Variants in KCNK1 observed in about 807,000 individuals in gnomAD.
KCNK1 encodes potassium two pore domain channel subfamily K member 1.
In KCNK1, 10 loss-of-function variants were observed where a neutral mutation model predicts 22.2. That is an observed-to-expected ratio of 0.45 (90% CI 0.28 to 0.76). The LOEUF (loss-of-function observed/expected upper bound fraction) is 0.76. Among genes scored for constraint, KCNK1 ranks in the 30% least tolerant of loss-of-function variants. The pLI is 0.14. For synonymous variants in KCNK1, 200 were observed against 186.4 expected, an observed-to-expected ratio of 1.07 and a Z score of -0.60; for missense variants, 378 against 421.0, an observed-to-expected ratio of 0.90 and a Z score of 0.89.
intron 1 of KCNK1, among the ~76,000 whole-genome samples, chr1:233,645,193 C>CAAA (rs113695541): frequency 1.3e-4 from 10 of 79,512 alleles, no homozygotes; most frequent in African/African-American, 3.9e-4. Flanking sequence ...GACTTTGTCT[C>CAAA]AAAAAAAAAA....
chr1:233,651,349 G>C (rs953228644), intron 1 of KCNK1, among the ~76,000 whole-genome samples: 1 of 152,160 alleles, frequency 6.6e-6, no homozygotes, highest in Admixed American at 6.5e-5. Context: ...AAACCTAAGG[G>C]TAGTGATGGC....
chr1:233,662,922 T>C (rs1558119475), intron 1 of KCNK1, among the ~76,000 whole-genome samples: 1 of 152,228 alleles, frequency 6.6e-6, no homozygotes, highest in South Asian at 2.1e-4. Context: ...AACATTTTGC[T>C]AAATTCTTCG....
chr1:233,628,102 G>C (rs1369487052), intron 1 of KCNK1, among the ~76,000 whole-genome samples: 2 of 152,186 alleles, frequency 1.3e-5, no homozygotes, highest in Non-Finnish European at 2.9e-5. Context: ...TCTTCTGCCT[G>C]TCTTCAGTGT....
chr1:233,643,625 G>A (rs1394149646), intron 1 of KCNK1, among the ~76,000 whole-genome samples: 1 of 152,120 alleles, frequency 6.6e-6, no homozygotes, highest in Non-Finnish European at 1.5e-5. Flanking sequence ...ATAAATGGGT[G>A]TGGGCTGCCC....
intron 1 of KCNK1, among the ~76,000 whole-genome samples, chr1:233,620,384 ACTT>A (rs1401095989): frequency 1.3e-5 from 2 of 152,218 alleles, no homozygotes; most frequent in Admixed American, 1.3e-4. Context: ...AGCTTCTCAG[ACTT>A]CTTTGTGCTG....
chr1:233,671,537 G>A lies in KCNK1; in HGVS notation c.*7G>A, dbSNP rs766007358. The A allele has an allele frequency of 6.2e-7, 1 of 1,613,778 alleles. No homozygotes were observed. Among genetic ancestry groups the A allele is most frequent in the South Asian group, 1.1e-5 (1 of 91,052 alleles). The stretch of plus-strand genomic sequence containing the variant: ...TGGCCCTGCAAACCATTGAGCGTAG[G>A]ATTTGTTGCATTATGCTAGAGCACC... On this transcript the variant is annotated 3_prime_UTR_variant, in exon 3 of 3. Coordinates refer to ENST00000366621, the MANE Select transcript of KCNK1 (RefSeq NM_002245.4).
intron 1 of KCNK1, among the ~76,000 whole-genome samples, chr1:233,647,058 A>C (rs1320805476): frequency 6.6e-6 from 1 of 152,166 alleles, no homozygotes; most frequent in Non-Finnish European, 1.5e-5. Context: ...AGAGTTAGAA[A>C]ATTTTATTCA....
intron 1 of KCNK1, among the ~76,000 whole-genome samples, chr1:233,641,592 A>G (rs949416827): frequency 1.3e-5 from 2 of 152,222 alleles, no homozygotes; most frequent in Non-Finnish European, 2.9e-5. Context: ...TTAACACGGC[A>G]GGGTCCTGTT....
intron 1 of KCNK1, among the ~76,000 whole-genome samples, chr1:233,665,778 G>C (rs1425494865): frequency 6.6e-6 from 1 of 152,236 alleles, no homozygotes; most frequent in Admixed American, 6.5e-5. Flanking sequence ...CCAATGTCCT[G>C]CTCTTTTTAT....
chr1:233,619,163 G>A (rs549503473), intron 1 of KCNK1, among the ~76,000 whole-genome samples: 27 of 152,094 alleles, frequency 1.8e-4, no homozygotes, highest in Admixed American at 1.4e-3. Context: ...GACTACAGGC[G>A]CACACCACCG....
intron 1 of KCNK1, among the ~76,000 whole-genome samples, chr1:233,632,847 A>G (rs1344609892): frequency 6.6e-6 from 1 of 152,094 alleles, no homozygotes; most frequent in African/African-American, 2.4e-5. Flanking sequence ...GTTCATTAGC[A>G]GTTCAGCTCT....
chr1:233,624,254 A>C (rs1183698318), intron 1 of KCNK1: 2 of 152,696 alleles, frequency 1.3e-5, no homozygotes, highest in Non-Finnish European at 2.9e-5. Context: ...AGGCGGCAGA[A>C]GTGCCCTATC....
At chr1:233,644,301 C>T (rs1424742090) in intron 1 of KCNK1, among the ~76,000 whole-genome samples, 5 of 152,152 alleles carry the variant, frequency 3.3e-5, no homozygotes, top group Non-Finnish European at 5.9e-5. Flanking sequence ...GATTCAGTTT[C>T]CAGGACATGA....
chr1:233,671,171 A>C (rs1166321839), intron 2 of KCNK1, 100 bp from the exon 3 acceptor site: 1 of 1,113,530 alleles, frequency 9.0e-7, no homozygotes, highest in Non-Finnish European at 1.3e-6. Context: ...TTTATTCCTT[A>C]ACAAACACTG....
In KCNK1 at chr1:233,614,543, GC is replaced by G. The variant is rs1229701658; in HGVS notation, c.355+22del. 4 of 1,533,170 alleles carry G rather than the reference GC, an allele frequency of 2.6e-6. No homozygotes were observed. The highest frequency in any genetic ancestry group is 2.7e-5 in the African/African-American group (2 of 72,868). The allele number at this position is 1,533,170 out of a possible 1,614,324, so 95.0% of individuals were successfully genotyped here. ...CCACCACAGGTAGGGTATCCTGCGC[GC>G]CCCCTGGCCGCCCCGGCCACCTCGC... On this transcript the variant is annotated intron_variant, in intron 1 of 2. Coordinates refer to ENST00000366621, the MANE Select transcript of KCNK1 (RefSeq NM_002245.4).
In KCNK1 at chr1:233,671,499, C is replaced by T; in HGVS notation, c.980C>T (p.Ser327Phe). 2 of 1,614,156 alleles carry T rather than the reference C, an allele frequency of 1.2e-6. No homozygotes were observed. Among genetic ancestry groups the T allele is most frequent in the South Asian group, 1.1e-5 (1 of 91,082 alleles). The change falls in exon 3 of 3, where the codon TCT becomes TTT. Residue 327 changes from serine to phenylalanine, a missense_variant. By Grantham distance (155) the Ser-to-Phe change is radical. Transcript: ENST00000366621. ...GAGCCTTTTGTGGCCACCCAGTCAT[C>T]TGCCTGCGTGGATGGCCCTGCAAAC... ...QNEPFVATQS[S>F]ACVDGPANH
At chr1:233,628,781 T>TAATAATAATAATAATAATAATAATAAA (rs1411789412) in intron 1 of KCNK1, among the ~76,000 whole-genome samples, 3 of 151,752 alleles carry the variant, frequency 2.0e-5, no homozygotes, top group African/African-American at 7.3e-5. Context: ...ATAATAATAA[T>TAATAATAATAATAATAATAATAATAAA]AAATTTTAAA....
rs1225879056 is a variant in KCNK1, at chr1:233,635,232, T to C, written c.355+20706T>C. Among the ~76,000 whole-genome samples the C allele has an allele frequency of 2.0e-5, 3 of 152,254 alleles. No homozygotes were observed. The East Asian group carries it at 5.8e-4, about 29-fold the overall frequency. On this transcript the variant is annotated intron_variant, in intron 1 of 2. Coordinates refer to ENST00000366621, the MANE Select transcript of KCNK1 (RefSeq NM_002245.4). The stretch of plus-strand genomic sequence containing the variant: ...TGTATGTACTTGGTTGGATGGGGAA[T>C]ATCCCTGAGGGTATAGTCAACACAG...
At chr1:233,655,472 T>C (rs1057035855) in intron 1 of KCNK1, among the ~76,000 whole-genome samples, 1 of 152,124 alleles carries the variant, frequency 6.6e-6, no homozygotes. Flanking sequence ...TGAATGCATT[T>C]TGCGTGTGAG....
Sources: gnomAD v4.1 joint callset for allele counts (sites outside exome capture counted in the v4.1 genomes callset) on GRCh38, gnomAD v4.1.1 for gene constraint, MANE v1.5 for transcripts, NCBI Gene and HGNC (gene_info 2026-07-23, HGNC 2026-07-21) for gene names.